RIPOR2: variants seen among roughly 807,000 people sequenced by gnomAD.
RIPOR2 encodes RHO family interacting cell polarization regulator 2, also known as rho family-interacting cell polarization regulator 2.
In RIPOR2, 39 loss-of-function variants were observed where a neutral mutation model predicts 114.5. The observed-to-expected ratio is 0.34, with a 90% CI of 0.26 to 0.44. The LOEUF (loss-of-function observed/expected upper bound fraction) is 0.44, where lower values mean the gene tolerates loss of function less well. Among genes scored for constraint, RIPOR2 ranks in the 20% least tolerant of loss-of-function variants. The pLI is 1.00. For synonymous variants in RIPOR2, 445 were observed against 484.4 expected (o/e 0.92, Z 1.07); for missense variants, 1,007 against 1,255.1 (o/e 0.80, Z 2.99).
At chr6:24,984,376 A>G (rs915193409) in intron 1 of RIPOR2, among the ~76,000 whole-genome samples, 1 of 152,146 alleles carries the variant, frequency 6.6e-6, no homozygotes, top group South Asian at 2.1e-4. Flanking sequence ...CACAAAGTAC[A>G]TTCTCCAGGG....
At chr6:24,992,735 C>A (rs893471310) in intron 1 of RIPOR2, among the ~76,000 whole-genome samples, 1 of 152,140 alleles carries the variant, frequency 6.6e-6, no homozygotes, top group Non-Finnish European at 1.5e-5. Context: ...TTATACAGAA[C>A]TAAAAAGAGC....
Position 24,951,262 on chromosome 6 carries a change from T to G in RIPOR2, c.77-75445A>C, listed in dbSNP as rs147746713. 2.6e-4 allele frequency among the ~76,000 whole-genome samples: 39 copies of G among 152,246 alleles called. 1 individual carries two copies. The East Asian group carries it at 7.1e-3, about 28-fold the overall frequency. Reference sequence around the variant, plus strand: ...AGAGGAACTACCATTACACAGAGCCTGATTATGGTTTTTATGCTCAGGAGA... The same window carrying G: ...AGAGGAACTACCATTACACAGAGCCGGATTATGGTTTTTATGCTCAGGAGA... On this transcript the variant is annotated intron_variant, in intron 1 of 13. Coordinates refer to the RIPOR2 transcript ENST00000510784.
upstream of RIPOR2, chr6:24,936,011 C>G: frequency 1.4e-6 from 1 of 715,210 alleles, no homozygotes; most frequent in East Asian, 2.7e-5. Context: ...CTCTGGAGGG[C>G]AGCTTCCGCA....
intron 1 of RIPOR2, among the ~76,000 whole-genome samples, chr6:24,983,209 CACACACACATACATATAT>C (rs1336525987): frequency 1.3e-5 from 2 of 151,030 alleles, no homozygotes; most frequent in Non-Finnish European, 2.9e-5. Context: ...CACACACACA[CACACACACATACATATAT>C]ACACACACAC....
chr6:24,869,845 G>T (rs947765698), intron 5 of RIPOR2, among the ~76,000 whole-genome samples: 2 of 151,908 alleles, frequency 1.3e-5, no homozygotes, highest in Admixed American at 6.6e-5. Context: ...TTGAAATTGG[G>T]GTGCATTTTA....
chr6:24,848,239 A>G (rs755644491), intron 11 of RIPOR2, 85 bp from the exon 12 acceptor site: 28 of 1,379,686 alleles, frequency 2.0e-5, no homozygotes, highest in Non-Finnish European at 2.7e-5. Flanking sequence ...GTACCTCATT[A>G]TATAAAGGTA....
chr6:24,984,321 G>A (rs1334253748), intron 1 of RIPOR2, among the ~76,000 whole-genome samples: 1 of 152,130 alleles, frequency 6.6e-6, no homozygotes, highest in Non-Finnish European at 1.5e-5. Context: ...TACAGGTTTT[G>A]GGATAGGGGG....
chr6:24,901,707 G>A (rs1001665581), intron 1 of RIPOR2, among the ~76,000 whole-genome samples: 1 of 152,162 alleles, frequency 6.6e-6, no homozygotes, highest in African/African-American at 2.4e-5. Context: ...TGAAGGGGGA[G>A]GGCAGGAAGA....
Position 24,861,121 on chromosome 6 carries a change from C to G in RIPOR2, c.652-85G>C, listed in dbSNP as rs1581630778. 4 of 819,050 alleles carry G rather than the reference C, an allele frequency of 4.9e-6. No homozygotes were observed. In the Admixed American group the frequency reaches 6.4e-5, roughly 13 times the overall value. The allele number at this position is 819,050 out of a possible 1,614,324, so 50.7% of individuals were successfully genotyped here. On this transcript the variant is annotated intron_variant, in intron 7 of 21. Transcript: ENST00000643898. Reference sequence around the variant, plus strand: ...CACGACGTTCGAACAGCAGCACAACCACTGCGTGAACAACGAGAAGCATTT... The same window carrying G: ...CACGACGTTCGAACAGCAGCACAACGACTGCGTGAACAACGAGAAGCATTT...
At chr6:24,873,882 G>A in intron 2 of RIPOR2, 83 bp from the exon 3 acceptor site, 1 of 1,200,280 alleles carries the variant, frequency 8.3e-7, no homozygotes, top group Non-Finnish European at 1.2e-6. Flanking sequence ...TTATTTACTT[G>A]TTTGTTTTAG....
At chr6:24,876,089 A>G (rs1295855968) in intron 1 of RIPOR2, among the ~76,000 whole-genome samples, 1 of 152,096 alleles carries the variant, frequency 6.6e-6, no homozygotes, top group Non-Finnish European at 1.5e-5. Flanking sequence ...TCAGGAGTTC[A>G]AGACCAGCCT....
intron 1 of RIPOR2, among the ~76,000 whole-genome samples, chr6:24,927,494 C>T (rs1771045988): frequency 1.3e-5 from 2 of 151,030 alleles, no homozygotes; most frequent in African/African-American, 2.4e-5. Flanking sequence ...CTACAACCAT[C>T]ACTACCATCA....
At chr6:24,922,597 C>T (rs751696142) in intron 1 of RIPOR2, among the ~76,000 whole-genome samples, 9 of 151,896 alleles carry the variant, frequency 5.9e-5, no homozygotes, top group Non-Finnish European at 1.0e-4. Flanking sequence ...CGGTGGCTCA[C>T]GCCTGTAATC....
At chr6:24,996,190 T>G (rs13216040) in intron 1 of RIPOR2, among the ~76,000 whole-genome samples, 1 of 152,258 alleles carries the variant, frequency 6.6e-6, no homozygotes, top group South Asian at 2.1e-4. Context: ...CTAGACAAAG[T>G]GCAAACTACT....
chr6:24,867,049 A>G (rs1764678451), intron 6 of RIPOR2, among the ~76,000 whole-genome samples: 1 of 152,214 alleles, frequency 6.6e-6, no homozygotes, highest in Non-Finnish European at 1.5e-5. Flanking sequence ...TATCAATGAC[A>G]CTTAGTTTAG....
intron 1 of RIPOR2, among the ~76,000 whole-genome samples, chr6:24,997,305 C>T (rs1175682574): frequency 6.6e-6 from 1 of 151,386 alleles, no homozygotes; most frequent in Non-Finnish European, 1.5e-5. Context: ...TGTATGCTCA[C>T]TATGTAGTAA....
intron 4 of RIPOR2, 145 bp downstream of exon 4, chr6:24,872,736 T>C: frequency 1.8e-6 from 1 of 547,908 alleles, no homozygotes; most frequent in Non-Finnish European, 3.3e-6. Context: ...TTCTTTTTCC[T>C]TCTAAGACAT....
At chr6:24,870,652 A>G (rs754113198) in intron 5 of RIPOR2, among the ~76,000 whole-genome samples, 3 of 152,154 alleles carry the variant, frequency 2.0e-5, no homozygotes, top group Non-Finnish European at 4.4e-5. Context: ...GACCACAGGC[A>G]CACACTACCA....
intron 13 of RIPOR2, chr6:24,840,341 G>C: frequency 1.8e-5 from 20 of 1,096,006 alleles, no homozygotes; most frequent in Non-Finnish European, 2.1e-5. Flanking sequence ...GCCTCAAAGG[G>C]AACAAGTCCC....
Sources: gnomAD v4.1 joint callset for allele counts (sites outside exome capture counted in the v4.1 genomes callset) on GRCh38, gnomAD v4.1.1 for gene constraint, MANE v1.5 for transcripts, NCBI Gene and HGNC (gene_info 2026-07-23, HGNC 2026-07-21) for gene names.